The following CSF1R variants were observed in gnomAD, a reference collection of about 807,000 sequenced individuals.
CSF1R encodes macrophage colony-stimulating factor 1 receptor.
A neutral mutation model predicts 110.0 loss-of-function variants in CSF1R; 40 were observed. The observed-to-expected ratio is 0.36, with a 90% confidence interval of 0.28 to 0.47. The LOEUF (loss-of-function observed/expected upper bound fraction) is 0.47. CSF1R is among the 20% of genes least tolerant of loss of function. The probability of loss-of-function intolerance (pLI) is 0.99; values close to 1 mark genes in which losing one functional copy is unlikely to be tolerated. For synonymous variants in CSF1R, 523 were observed against 503.4 expected (o/e 1.04, Z -0.52); for missense variants, 1,052 against 1,253.0 (o/e 0.84, Z 2.42).
In CSF1R at chr5:150,053,327, G is replaced by C. The variant is rs373663045; in HGVS notation, c.*742C>G. ...ATGCTGTTAGTTTAATGTGGACAGAGACATCCCACGGCGTGACTGTTAGTT... is the reference window on the plus strand; with the variant it reads ...ATGCTGTTAGTTTAATGTGGACAGACACATCCCACGGCGTGACTGTTAGTT... On this transcript the variant is annotated 3_prime_UTR_variant, in exon 21 of 21. Coordinates refer to ENST00000675795, the MANE Select transcript of CSF1R (RefSeq NM_001288705.3). The C allele has an allele frequency of 8.6e-6, 2 of 233,548 alleles. No individual in the cohort carries two copies. The highest frequency in any genetic ancestry group is 8.5e-6 in the Non-Finnish European group (1 of 118,040). The allele number at this position is 233,548 out of a possible 1,614,324, so 14.5% of individuals were successfully genotyped here.
chr5:150,085,277 G>GAAAAAAAAAAAAAAAAAAAAA lies in CSF1R; in HGVS notation c.49+1101_49+1102insTTTTTTTTTTTTTTTTTTTTT, dbSNP rs70973563. ...GTGACAGAGAGAGACTCTGTCTCAG[G>GAAAAAAAAAAAAAAAAAAAAA]AAAAAAAAAAAAAAAACCCAAATAC... On this transcript the variant is annotated intron_variant, in intron 1 of 20. Coordinates refer to ENST00000675795, the MANE Select transcript of CSF1R (RefSeq NM_001288705.3). Among the ~76,000 whole-genome samples the GAAAAAAAAAAAAAAAAAAAAA allele has an allele frequency of 4.4e-4, 41 of 92,456 alleles. 2 individuals are homozygous for GAAAAAAAAAAAAAAAAAAAAA. The highest frequency in any genetic ancestry group is 5.9e-4 in the Non-Finnish European group (29 of 49,504). The allele number at this position is 92,456 out of a possible 152,430, so 60.7% of individuals were successfully genotyped here.
At chr5:150,067,509 A>G (rs1010984547) in intron 10 of CSF1R, among the ~76,000 whole-genome samples, 4 of 152,200 alleles carry the variant, frequency 2.6e-5, no homozygotes, top group Admixed American at 6.5e-5. Context: ...GTAACATGCT[A>G]TAGAAAAATG....
At position 150,070,042 on chromosome 5, in the gene CSF1R, C is replaced by G; in HGVS notation, c.1341G>C (p.Leu447=). The change falls in exon 9 of 21, where the codon CTG becomes CTC. Residue 447 remains leucine, a synonymous_variant. Coordinates refer to ENST00000675795, the MANE Select transcript of CSF1R (RefSeq NM_001288705.3). The part of the protein sequence containing the change: ...HTDRCDEAQV[L]QVWDDPYPEV... ...CAGGGTATGGGTCATCCCAGACCTGCAGCACTTGGGCCTCATCACACCTGG... is the reference window on the plus strand; with the variant it reads ...CAGGGTATGGGTCATCCCAGACCTGGAGCACTTGGGCCTCATCACACCTGG... The G allele has an allele frequency of 6.2e-7, 1 of 1,613,994 alleles. No homozygotes were observed. The highest frequency in any genetic ancestry group is 8.5e-7 in the Non-Finnish European group (1 of 1,179,940).
chr5:150,080,668 G>A, intron 2 of CSF1R, 99 bp downstream of exon 2: 1 of 1,460,146 alleles, frequency 6.8e-7, no homozygotes, highest in Non-Finnish European at 9.4e-7. Flanking sequence ...CCAGCACTCA[G>A]TAAATGCAGA....
intron 6 of CSF1R, among the ~76,000 whole-genome samples, chr5:150,072,047 T>C (rs1334767440): frequency 6.6e-6 from 1 of 152,214 alleles, no homozygotes; most frequent in Non-Finnish European, 1.5e-5. Context: ...CTGGAAATAC[T>C]GCCTGGGACC....
chr5:150,075,079 A>G (rs1386262733), intron 5 of CSF1R, among the ~76,000 whole-genome samples: 1 of 152,080 alleles, frequency 6.6e-6, no homozygotes. Flanking sequence ...CTGCCCTTCC[A>G]GACTACACAC....
chr5:150,070,448 G>T lies in CSF1R; in HGVS notation c.1198+8C>A, dbSNP rs1324702822. 8 of 1,555,872 alleles carry T rather than the reference G, an allele frequency of 5.1e-6. No individual in the cohort carries two copies. Among genetic ancestry groups the T allele is most frequent in the Non-Finnish European group, 6.9e-6 (8 of 1,151,418 alleles). On this transcript the variant is annotated splice_region_variant and intron_variant, in intron 7 of 20. Transcript: ENST00000675795. ...CCGCCCCAGGTGGCGCTCGGCCCCA[G>T]CACTCACATCGAAGGGTGAGCTCAA...
intron 3 of CSF1R, among the ~76,000 whole-genome samples, chr5:150,078,934 A>G (rs1758404848): frequency 6.6e-6 from 1 of 152,142 alleles, no homozygotes; most frequent in Non-Finnish European, 1.5e-5. Flanking sequence ...CTTGCTCATC[A>G]CATTTGTATT....
intron 1 of CSF1R, among the ~76,000 whole-genome samples, chr5:150,093,861 C>T (rs1166304367): frequency 3.9e-5 from 6 of 152,086 alleles, no homozygotes; most frequent in Non-Finnish European, 5.9e-5. Flanking sequence ...GTCAGGAGTT[C>T]GAGACTAGCC....
Position 150,086,462 on chromosome 5 carries a change from C to T in CSF1R, c.-35G>A, listed in dbSNP as rs1480069485. The T allele has an allele frequency of 3.8e-6, 6 of 1,595,116 alleles. No homozygotes were observed. Among genetic ancestry groups the T allele is most frequent in the Non-Finnish European group, 4.3e-6 (5 of 1,170,518 alleles). The stretch of plus-strand genomic sequence containing the variant: ...GGGGAAGTGGCAGGCAGGTGCAGGG[C>T]TGCAAGGTGCCCAGGGCACAGAGCT... On this transcript the variant is annotated 5_prime_UTR_variant, in exon 1 of 21. Coordinates refer to ENST00000675795, the MANE Select transcript of CSF1R (RefSeq NM_001288705.3).
chr5:150,069,801 G>A, intron 9 of CSF1R, 72 bp downstream of exon 9: 2 of 1,268,116 alleles, frequency 1.6e-6, no homozygotes, highest in South Asian at 1.5e-5. Context: ...GGGGGTGGGG[G>A]AGGAGCCGCC....
At chr5:150,087,200 G>A (rs1758877375), upstream of CSF1R, among the ~76,000 whole-genome samples, 1 of 152,174 alleles carries the variant, frequency 6.6e-6, no homozygotes, top group African/African-American at 2.4e-5. Flanking sequence ...TGGTGTATGG[G>A]GAAATATGCC....
chr5:150,060,722 A>C, intron 13 of CSF1R, 140 bp downstream of exon 13: 1 of 595,682 alleles, frequency 1.7e-6, no homozygotes, highest in Non-Finnish European at 3.0e-6. Flanking sequence ...CAGGAGTTTA[A>C]GGGATGCTGT....
At chr5:150,075,879 G>T (rs1272082187) in intron 5 of CSF1R, among the ~76,000 whole-genome samples, 1 of 152,174 alleles carries the variant, frequency 6.6e-6, no homozygotes, top group East Asian at 1.9e-4. Flanking sequence ...GTGCAGATTG[G>T]GGTCCACAGC....
Position 150,070,444 on chromosome 5 carries a change from C to G in CSF1R, c.1198+12G>C. ...GCCTCCGCCCCAGGTGGCGCTCGGC[C>G]CCAGCACTCACATCGAAGGGTGAGC... On this transcript the variant is annotated intron_variant, in intron 7 of 20. Coordinates refer to ENST00000675795, the MANE Select transcript of CSF1R (RefSeq NM_001288705.3). The G allele has an allele frequency of 6.4e-7, 1 of 1,555,926 alleles. No individual in the cohort carries two copies. The highest frequency in any genetic ancestry group is 1.2e-5 in the South Asian group (1 of 82,292).
intron 6 of CSF1R, among the ~76,000 whole-genome samples, chr5:150,071,726 T>A (rs962658895): frequency 6.6e-6 from 1 of 152,202 alleles, no homozygotes; most frequent in Admixed American, 6.5e-5. Flanking sequence ...TCAATGTCTC[T>A]GTGGCTTATG....
chr5:150,078,182 G>A lies in CSF1R; in HGVS notation c.659C>T (p.Ala220Val), dbSNP rs752816265. 30 of 1,614,106 alleles carry A rather than the reference G, an allele frequency of 1.9e-5. 1 individual carries two copies. The South Asian group carries it at 3.1e-4, about 17-fold the overall frequency. Reference protein sequence around the residue: ...AELVRIRGEAAQIVCSASSVD... With the variant: ...AELVRIRGEAVQIVCSASSVD... ...GCTGCTGGCTGAGCACACGATCTGGGCAGCCTCCCCTCGAATCCGCACCAG... is the reference window on the plus strand; with the variant it reads ...GCTGCTGGCTGAGCACACGATCTGGACAGCCTCCCCTCGAATCCGCACCAG... Residue 220 changes from alanine (A) to valine (V), a missense_variant, in exon 4 of 21, where the codon GCC becomes GTC. By Grantham distance (64) the Ala-to-Val change is moderately conservative. Transcript: ENST00000675795.
At position 150,061,741 on chromosome 5, in the gene CSF1R, G is replaced by A. The variant is rs1757538883; in HGVS notation, c.1735C>T (p.Arg579Trp). The A allele has an allele frequency of 6.2e-7, 1 of 1,614,188 alleles. No individual in the cohort carries two copies. Among genetic ancestry groups the A allele is most frequent in the Non-Finnish European group, 8.5e-7 (1 of 1,180,038 alleles). Residue 579 changes from arginine (R) to tryptophan (W), a missense_variant, in exon 11 of 21, where the codon CGG (arginine) becomes TGG (tryptophan). Transcript: ENST00000675795. ...ATCTCACCAAACTGCAGGTTGTTCC[G>A]GGGGAACTCCCACTTCTCGTTGTAA... is the stretch of plus-strand genomic sequence containing the variant. ...LPYNEKWEFP[R>W]NNLQFGKTLG...
chr5:150,107,523 T>C (rs1446937148), intron 1 of CSF1R, among the ~76,000 whole-genome samples: 1 of 152,206 alleles, frequency 6.6e-6, no homozygotes, highest in African/African-American at 2.4e-5. Flanking sequence ...AATTACTCCA[T>C]GTTACAGATG....
Sources: allele counts gnomAD v4.1 joint callset (sites outside exome capture counted in the v4.1 genomes callset), GRCh38; gene constraint gnomAD v4.1.1; transcripts MANE v1.5; gene names NCBI Gene and HGNC (gene_info 2026-07-23, HGNC 2026-07-21).